RPA3: variants seen among roughly 807,000 people sequenced by gnomAD.
RPA3 encodes the protein replication protein A 14 kDa subunit.
In RPA3, 24 loss-of-function variants were observed where a neutral mutation model predicts 13.7. That is an observed-to-expected ratio of 1.75 (90% CI 1.27 to 2.46). The LOEUF is 2.46. Ranked by LOEUF, RPA3 falls within the 30% of genes most tolerant of loss-of-function variation. The pLI, the probability that RPA3 is intolerant of heterozygous loss-of-function variation, is 0.00. For missense variants in RPA3, 183 were observed against 151.0 expected (o/e 1.21, Z -1.11); for synonymous variants, 59 against 51.2 (o/e 1.15, Z -0.65).
intron 2 of RPA3, among the ~76,000 whole-genome samples, chr7:7,710,336 A>C (rs767777558): frequency 2.6e-4 from 40 of 152,192 alleles, no homozygotes; most frequent in Non-Finnish European, 4.3e-4. Flanking sequence ...TCCCTAGAAT[A>C]AGTACTTGCA....
At chr7:7,714,929 G>A (rs1366175120) in intron 2 of RPA3, among the ~76,000 whole-genome samples, 3 of 150,160 alleles carry the variant, frequency 2.0e-5, no homozygotes, top group Non-Finnish European at 4.4e-5. Flanking sequence ...AAGCAGAACA[G>A]GGGCACTAGA....
chr7:7,665,653 C>G (rs1473983600), intron 4 of RPA3, among the ~76,000 whole-genome samples: 1 of 152,188 alleles, frequency 6.6e-6, no homozygotes, highest in African/African-American at 2.4e-5. Flanking sequence ...CAAGAGTTTC[C>G]TGCTACTCCC....
chr7:7,673,594 T>C, intron 4 of RPA3: 1 of 604,278 alleles, frequency 1.7e-6, no homozygotes, highest in Non-Finnish European at 2.9e-6. Flanking sequence ...GCGTAAAATC[T>C]GTAAAGATGA....
At chr7:7,671,020 G>A (rs1779592414) in intron 4 of RPA3, among the ~76,000 whole-genome samples, 1 of 152,136 alleles carries the variant, frequency 6.6e-6, no homozygotes, top group South Asian at 2.1e-4. Context: ...ACGGAAATGG[G>A]CACTGGGCCT....
intron 4 of RPA3, among the ~76,000 whole-genome samples, chr7:7,644,873 C>G (rs1785060381): frequency 6.6e-6 from 1 of 152,140 alleles, no homozygotes; most frequent in African/African-American, 2.4e-5. Context: ...GAATTTTGAT[C>G]AAAATTGCAC....
At chr7:7,652,806 C>T (rs930348733) in intron 4 of RPA3, among the ~76,000 whole-genome samples, 4 of 152,244 alleles carry the variant, frequency 2.6e-5, no homozygotes, top group Middle Eastern at 6.8e-3. Context: ...AGTAGTAAGC[C>T]TTCTGATGAT....
At chr7:7,684,767 T>C (rs1780000922) in intron 4 of RPA3, among the ~76,000 whole-genome samples, 1 of 152,224 alleles carries the variant, frequency 6.6e-6, no homozygotes. Flanking sequence ...ACCCGTAAAC[T>C]TTTCAAACCA....
intron 4 of RPA3, among the ~76,000 whole-genome samples, chr7:7,678,093 G>T (rs1273894312): frequency 6.6e-6 from 1 of 152,056 alleles, no homozygotes; most frequent in Non-Finnish European, 1.5e-5. Context: ...CTTCTTTTGG[G>T]TATGTACCCA....
At chr7:7,691,843 C>T (rs1286194776) in intron 2 of RPA3, among the ~76,000 whole-genome samples, 1 of 152,158 alleles carries the variant, frequency 6.6e-6, no homozygotes, top group Admixed American at 6.5e-5. Context: ...AGCTGCCAAA[C>T]AAAAGTCATG....
chr7:7,659,129 T>G (rs552477917), intron 4 of RPA3, among the ~76,000 whole-genome samples: 1 of 152,352 alleles, frequency 6.6e-6, no homozygotes, highest in Non-Finnish European at 1.5e-5. Flanking sequence ...TAGTTTGTAT[T>G]GCTGTGGGAT....
Position 7,673,310 on chromosome 7 carries a change from TAGCAGCAGCAGCAGCAGCAGCAGC to T in RPA3, c.-758+12496_-758+12519del. The T allele has an allele frequency of 3.0e-3, 3,096 of 1,033,858 alleles. 33 individuals are homozygous for T. The highest frequency in any genetic ancestry group is 0.018 in the African/African-American group (1,124 of 60,992). The allele number at this position is 1,033,858 out of a possible 1,614,324, so 64.0% of individuals were successfully genotyped here. A position where few individuals can be genotyped will look rare whatever the true frequency, so the allele number is the denominator to read the frequency against. On this transcript the variant is annotated intron_variant, in intron 4 of 7. Coordinates refer to ENST00000223129, the MANE Select transcript of RPA3 (RefSeq NM_002947.5). ...CATTGTGTAATGTTTCTATTTCAGG[TAGCAGCAGCAGCAGCAGCAGCAGC>T]AGCAGCAGCAGCAGCAGCAGCAGCA...
At chr7:7,705,442 A>G (rs1252047346) in intron 2 of RPA3, among the ~76,000 whole-genome samples, 1 of 152,202 alleles carries the variant, frequency 6.6e-6, no homozygotes, top group East Asian at 1.9e-4. Context: ...AAGTTAATGT[A>G]ATTGGTTTGG....
chr7:7,651,124 C>T (rs1219056799), intron 4 of RPA3, among the ~76,000 whole-genome samples: 1 of 152,074 alleles, frequency 6.6e-6, no homozygotes, highest in Non-Finnish European at 1.5e-5. Context: ...GAAATCACTC[C>T]CTGTACAGTC....
At chr7:7,707,654 T>C (rs1305607308) in intron 2 of RPA3, among the ~76,000 whole-genome samples, 1 of 152,162 alleles carries the variant, frequency 6.6e-6, no homozygotes, top group Non-Finnish European at 1.5e-5. Flanking sequence ...AAAAAAGACC[T>C]CTTTAGTTTT....
At chr7:7,645,980 G>A (rs1002272147) in intron 4 of RPA3, among the ~76,000 whole-genome samples, 1 of 152,238 alleles carries the variant, frequency 6.6e-6, no homozygotes, top group African/African-American at 2.4e-5. Context: ...CTCGGCTGCC[G>A]TGTACTCAAA....
At chr7:7,639,846 C>T (rs1420422140) in intron 5 of RPA3, 1 of 174,622 alleles carries the variant, frequency 5.7e-6, no homozygotes, top group African/African-American at 2.4e-5. Flanking sequence ...CACTTTAATA[C>T]TGGGGTTAAA....
chr7:7,701,172 T>C (rs762324421), intron 2 of RPA3, among the ~76,000 whole-genome samples: 46 of 152,222 alleles, frequency 3.0e-4, no homozygotes, highest in South Asian at 1.0e-3. Flanking sequence ...TAGAGGAAGA[T>C]GTGTGAGGAG....
At chr7:7,660,763 C>G (rs1250367710) in intron 4 of RPA3, among the ~76,000 whole-genome samples, 1 of 135,106 alleles carries the variant, frequency 7.4e-6, no homozygotes, top group East Asian at 2.3e-4. Flanking sequence ...CTTGGTGAAT[C>G]TGGCAATTAT....
chr7:7,660,630 C>G (rs962457109), intron 4 of RPA3, among the ~76,000 whole-genome samples: 1 of 152,064 alleles, frequency 6.6e-6, no homozygotes, highest in Non-Finnish European at 1.5e-5. Context: ...ACTATTGGCC[C>G]CACTCTCTTC....
Sources: gnomAD v4.1 joint callset for allele counts (sites outside exome capture counted in the v4.1 genomes callset) on GRCh38, gnomAD v4.1.1 for gene constraint, MANE v1.5 for transcripts, NCBI Gene and HGNC (gene_info 2026-07-23, HGNC 2026-07-21) for gene names.